The following KLB variants were observed in gnomAD, a reference collection of about 807,000 sequenced individuals.
KLB encodes beta-klotho.
KLB carries 44 observed loss-of-function variants against 88.4 expected under a neutral mutation model. The observed-to-expected ratio is 0.50, with a 90% CI of 0.39 to 0.64. The LOEUF (loss-of-function observed/expected upper bound fraction) is 0.64. Ranked by LOEUF, KLB falls within the 30% of genes least tolerant of loss-of-function variation. KLB has a pLI of 0.00. For synonymous variants in KLB, 548 were observed against 513.4 expected (o/e 1.07, Z -0.91); for missense variants, 1,137 against 1,304.8 (o/e 0.87, Z 1.98).
intron 3 of KLB, among the ~76,000 whole-genome samples, chr4:39,445,536 C>T (rs550345663): frequency 1.9e-4 from 22 of 118,238 alleles, no homozygotes; most frequent in African/African-American, 5.8e-4. Context: ...GGAGTTTTTG[C>T]TCTTGTTGCC....
rs1327621256 is a variant in KLB at position 39,434,250 on chromosome 4, G to A, written c.866G>A (p.Arg289His). Residue 289 changes from arginine (R) to histidine (H), a missense_variant, in exon 2 of 5, where the codon CGC (arginine) becomes CAC (histidine). Around this residue, in one of 4 missense-constraint regions of KLB, gnomAD observed 597 missense variants for 765.2 expected, o/e 0.78. Coordinates refer to ENST00000257408, the MANE Select transcript of KLB (RefSeq NM_175737.4). ...TGGCATAACTACAACACACATTTCCGCCCACATCAGAAGGGTTGGTTATCG... is the reference window on the plus strand; with the variant it reads ...TGGCATAACTACAACACACATTTCCACCCACATCAGAAGGGTTGGTTATCG... ...KVWHNYNTHF[R>H]PHQKGWLSIT... The A allele has an allele frequency of 6.2e-6, 10 of 1,613,274 alleles. No homozygotes were observed. The highest frequency in any genetic ancestry group is 7.6e-6 in the Non-Finnish European group (9 of 1,179,702).
At position 39,448,312 on chromosome 4, in the gene KLB, G is replaced by A; in HGVS notation, c.2761G>A (p.Asp921Asn). 1 of 1,589,876 alleles carries A rather than the reference G, an allele frequency of 6.3e-7. No individual in the cohort carries two copies. The highest frequency in any genetic ancestry group is 8.6e-7 in the Non-Finnish European group (1 of 1,166,020). The change falls in exon 5 of 5, where the codon GAT (aspartate) becomes AAT (asparagine). Residue 921 changes from aspartate to asparagine, a missense_variant. Asp to Asn is a conservative substitution (Grantham distance 23). Coordinates refer to ENST00000257408, the MANE Select transcript of KLB (RefSeq NM_175737.4). ...LQEVLKAYLI[D>N]KVRIKGYYAF... Reference sequence around the variant, plus strand: ...CTTATCTTTTTCAGCATACCTGATTGATAAAGTCAGAATCAAAGGCTATTA... The same window carrying A: ...CTTATCTTTTTCAGCATACCTGATTAATAAAGTCAGAATCAAAGGCTATTA...
chr4:39,427,507 T>C (rs1362297860), intron 1 of KLB, among the ~76,000 whole-genome samples: 1 of 147,826 alleles, frequency 6.8e-6, no homozygotes, highest in Non-Finnish European at 1.5e-5. Context: ...AAAAATCAAC[T>C]TGATACCAAA....
At chr4:39,435,246 T>C (rs1743448328) in intron 2 of KLB, among the ~76,000 whole-genome samples, 1 of 151,876 alleles carries the variant, frequency 6.6e-6, no homozygotes, top group South Asian at 2.1e-4. Context: ...GCCTCCTGAG[T>C]AGCTGGGATT....
chr4:39,417,512 C>T (rs1284767756), intron 1 of KLB, among the ~76,000 whole-genome samples: 1 of 152,086 alleles, frequency 6.6e-6, no homozygotes, highest in Non-Finnish European at 1.5e-5. Context: ...AGAGTTACTC[C>T]ATGTTGGTCA....
intron 1 of KLB, among the ~76,000 whole-genome samples, chr4:39,417,091 A>T (rs1742979325): frequency 1.8e-5 from 1 of 57,086 alleles, no homozygotes; most frequent in African/African-American, 5.2e-5. Context: ...ATTTTCTTTA[A>T]TTGAAAAAAA....
intron 1 of KLB, among the ~76,000 whole-genome samples, chr4:39,423,365 C>G (rs1261235579): frequency 6.6e-6 from 1 of 151,844 alleles, no homozygotes; most frequent in African/African-American, 2.4e-5. Flanking sequence ...AGATATTTTT[C>G]TCTCAACATG....
At chr4:39,433,242 G>C (rs193155860) in intron 1 of KLB, among the ~76,000 whole-genome samples, 8 of 152,266 alleles carry the variant, frequency 5.3e-5, no homozygotes, top group Admixed American at 5.2e-4. Context: ...GAAAGGTTAA[G>C]TGACTTGCCT....
chr4:39,444,898 A>G (rs1743700714), intron 3 of KLB, among the ~76,000 whole-genome samples: 1 of 152,274 alleles, frequency 6.6e-6, no homozygotes. Flanking sequence ...AAACTATGAA[A>G]GATGACACAC....
At position 39,437,750 on chromosome 4, in the gene KLB, G is replaced by A. The variant is rs1261378997; in HGVS notation, c.1360G>A (p.Val454Met). ...LQAIRLDEIR[V>M]FGYTAWSLLD... ...AGCAATAAGGTTAGATGAAATACGA[G>A]TGTTTGGTTATACTGCCTGGTCTCT... Residue 454 changes from valine to methionine, a missense_variant, in exon 3 of 5, where the codon GTG (valine) becomes ATG (methionine). Val to Met is a conservative substitution (Grantham distance 21, BLOSUM62 1). Transcript: ENST00000257408. 17 of 1,612,698 alleles carry A rather than the reference G, an allele frequency of 1.1e-5. No homozygotes were observed. The highest frequency in any genetic ancestry group is 1.4e-5 in the Non-Finnish European group (17 of 1,178,872).
At chr4:39,415,057 A>C (rs1331394298) in intron 1 of KLB, among the ~76,000 whole-genome samples, 1 of 151,466 alleles carries the variant, frequency 6.6e-6, no homozygotes, top group Admixed American at 6.6e-5. Context: ...GGATTACAGG[A>C]ATGTGCCACC....
intron 2 of KLB, among the ~76,000 whole-genome samples, chr4:39,435,705 C>G (rs1247655386): frequency 6.6e-6 from 1 of 152,062 alleles, no homozygotes. Flanking sequence ...GGATTACAGG[C>G]ATGAGCCACC....
intron 1 of KLB, among the ~76,000 whole-genome samples, chr4:39,412,496 A>G (rs1019237124): frequency 6.6e-6 from 1 of 152,022 alleles, no homozygotes; most frequent in Admixed American, 6.6e-5. Context: ...CTTGCACTTC[A>G]TATTCGATCA....
chr4:39,428,468 C>T (rs1743269426), intron 1 of KLB, among the ~76,000 whole-genome samples: 1 of 151,186 alleles, frequency 6.6e-6, no homozygotes, highest in Non-Finnish European at 1.5e-5. Flanking sequence ...AATAGGTAGT[C>T]CATTCCTGGC....
Position 39,438,757 on chromosome 4 carries a change from C to T in KLB, c.1605+762C>T, listed in dbSNP as rs148259423. Among the ~76,000 whole-genome samples, 32 of 152,292 alleles carry T rather than the reference C, an allele frequency of 2.1e-4. 1 individual carries two copies. In the East Asian group the frequency reaches 6.2e-3, roughly 29 times the overall value. On this transcript the variant is annotated intron_variant, in intron 3 of 4. Transcript: ENST00000257408. ...TTTTAGAACCAGGTGAATGAATGAG[C>T]TCACCTTTTAGTTGTTATTATTATT... is the stretch of plus-strand genomic sequence containing the variant.
intron 1 of KLB, among the ~76,000 whole-genome samples, chr4:39,423,327 T>C (rs1312816336): frequency 6.6e-6 from 1 of 151,900 alleles, no homozygotes; most frequent in Non-Finnish European, 1.5e-5. Context: ...ATGACCTCTC[T>C]AGATGATACT....
intron 3 of KLB, among the ~76,000 whole-genome samples, chr4:39,442,954 A>T (rs887969242): frequency 7.9e-5 from 12 of 152,188 alleles, no homozygotes; most frequent in African/African-American, 2.9e-4. Context: ...TAAGAATGCA[A>T]GCAAAGATCA....
In KLB at chr4:39,450,091, T is replaced by C. The variant is rs575608434; in HGVS notation, c.*1405T>C. The C allele has an allele frequency of 3.3e-5, 5 of 152,336 alleles. No homozygotes were observed. Among genetic ancestry groups the C allele is most frequent in the East Asian group, 3.9e-4 (2 of 5,192 alleles). The allele number at this position is 152,336 out of a possible 1,614,324, so 9.4% of individuals were successfully genotyped here. A position where few individuals can be genotyped will look rare whatever the true frequency, so the allele number is the denominator to read the frequency against. On this transcript the variant is annotated 3_prime_UTR_variant, in exon 5 of 5. Coordinates refer to ENST00000257408, the MANE Select transcript of KLB (RefSeq NM_175737.4). ...TACTGAATGAGTTTAAATTGTTTTA[T>C]ATAGCACCCTTTTGGGCTAGGGTTA...
At chr4:39,416,368 C>T (rs1441643172) in intron 1 of KLB, among the ~76,000 whole-genome samples, 10 of 152,086 alleles carry the variant, frequency 6.6e-5, no homozygotes, top group Admixed American at 3.3e-4. Flanking sequence ...GAATATTTTA[C>T]ATTTAAAAAT....
Sources: allele counts gnomAD v4.1 joint callset (sites outside exome capture counted in the v4.1 genomes callset), GRCh38; gene constraint gnomAD v4.1.1; regional missense constraint gnomAD v4.1.1; transcripts MANE v1.5; gene names NCBI Gene and HGNC (gene_info 2026-07-23, HGNC 2026-07-21).